Variants in NELL2 observed in about 807,000 individuals in gnomAD.
The protein encoded by NELL2 is protein kinase C-binding protein NELL2.
NELL2 carries 41 observed loss-of-function variants against 109.6 expected under a neutral mutation model. The observed-to-expected ratio is 0.37, with a 90% CI of 0.29 to 0.49. NELL2 has a LOEUF of 0.49. Ranked by LOEUF, NELL2 falls within the 20% of genes least tolerant of loss-of-function variation. The pLI is 0.98. For missense variants in NELL2, 900 were observed against 1,008.3 expected (o/e 0.89, Z 1.45); for synonymous variants, 355 against 344.7 (o/e 1.03, Z -0.33).
chr12:44,787,005 C>T (rs181977821), intron 3 of NELL2, among the ~76,000 whole-genome samples: 15 of 152,070 alleles, frequency 9.9e-5, no homozygotes, highest in African/African-American at 3.4e-4. Flanking sequence ...AACAAACCTG[C>T]ATGTTCTGCA....
At chr12:44,668,963 G>T (rs1214751274) in intron 12 of NELL2, among the ~76,000 whole-genome samples, 1 of 151,858 alleles carries the variant, frequency 6.6e-6, no homozygotes, top group African/African-American at 2.4e-5. Flanking sequence ...TGCCACTGCT[G>T]GTGCCCATGA....
At chr12:44,665,650 T>A in intron 12 of NELL2, 41 bp from the exon 13 acceptor site, 1 of 1,563,458 alleles carries the variant, frequency 6.4e-7, no homozygotes, top group Non-Finnish European at 8.7e-7. Context: ...CAGTGGGCAA[T>A]ATTCTGGAGC....
At chr12:44,653,824 C>G (rs557789299) in intron 13 of NELL2, among the ~76,000 whole-genome samples, 2 of 152,290 alleles carry the variant, frequency 1.3e-5, no homozygotes, top group South Asian at 4.1e-4. Context: ...AGTTGCACAT[C>G]TTAATTAGAA....
chr12:44,811,181 CA>C (rs1050319627), intron 3 of NELL2, among the ~76,000 whole-genome samples: 5 of 151,378 alleles, frequency 3.3e-5, no homozygotes, highest in East Asian at 2.0e-4. Flanking sequence ...CGCAAGGGGT[CA>C]GGGGGAAGGG....
At chr12:44,595,693 G>A (rs566108870) in intron 15 of NELL2, among the ~76,000 whole-genome samples, 9 of 150,452 alleles carry the variant, frequency 6.0e-5, no homozygotes, top group African/African-American at 2.2e-4. Context: ...TGCCCGCCTC[G>A]GCCTCCCAAA....
chr12:44,540,554 C>A (rs1478233354), intron 15 of NELL2, among the ~76,000 whole-genome samples: 2 of 152,054 alleles, frequency 1.3e-5, no homozygotes, highest in African/African-American at 4.8e-5. Flanking sequence ...TCAACCTACT[C>A]ATCTCCTCCC....
chr12:44,915,185 T>C (rs1945819806), upstream of NELL2, among the ~76,000 whole-genome samples: 1 of 152,144 alleles, frequency 6.6e-6, no homozygotes, highest in Admixed American at 6.6e-5. Context: ...ATTTTTAAAA[T>C]ATTCGTTGGA....
intron 9 of NELL2, among the ~76,000 whole-genome samples, chr12:44,727,930 T>C (rs991185121): frequency 6.6e-6 from 1 of 152,104 alleles, no homozygotes; most frequent in African/African-American, 2.4e-5. Flanking sequence ...TAATCCTTCA[T>C]GTCTTCAGTG....
chr12:44,596,542 A>G (rs7299685), intron 15 of NELL2, among the ~76,000 whole-genome samples: 128,451 of 152,200 alleles, frequency 0.84, 54,653 homozygotes, highest in East Asian at 1. Flanking sequence ...TTGGTTTACC[A>G]TATTAACTAA....
chr12:44,586,863 A>T (rs904507600), intron 15 of NELL2, among the ~76,000 whole-genome samples: 4 of 152,206 alleles, frequency 2.6e-5, no homozygotes, highest in African/African-American at 9.6e-5. Context: ...TGCCCTGCAC[A>T]AAGTCAGCAC....
intron 1 of NELL2, among the ~76,000 whole-genome samples, chr12:44,907,665 G>T (rs186910512): frequency 6.6e-6 from 1 of 152,138 alleles, no homozygotes; most frequent in African/African-American, 2.4e-5. Flanking sequence ...GAAGTACAAT[G>T]GTAGATTGAG....
chr12:44,582,554 G>A (rs1296299648), intron 15 of NELL2, among the ~76,000 whole-genome samples: 1 of 151,904 alleles, frequency 6.6e-6, no homozygotes, highest in Admixed American at 6.6e-5. Context: ...ATGAAGTGAA[G>A]ATACTATGGC....
At chr12:44,764,418 G>T (rs77888523) in intron 9 of NELL2, among the ~76,000 whole-genome samples, 12,646 of 152,136 alleles carry the variant, frequency 0.083, 627 homozygotes, top group Non-Finnish European at 0.097. Context: ...AATACTAGAA[G>T]ATTTACTTTT....
At chr12:44,765,305 A>G (rs1443526709) in intron 9 of NELL2, among the ~76,000 whole-genome samples, 7 of 152,176 alleles carry the variant, frequency 4.6e-5, no homozygotes, top group African/African-American at 9.7e-5. Flanking sequence ...TCTCTTTATA[A>G]TTTGCAATAA....
chr12:44,771,425 G>A lies in NELL2; in HGVS notation c.994+3322C>T, dbSNP rs573185865. Among the ~76,000 whole-genome samples, 5 of 152,084 alleles carry A rather than the reference G, an allele frequency of 3.3e-5. No homozygotes were observed. The East Asian group carries it at 9.7e-4, about 29-fold the overall frequency. On this transcript the variant is annotated intron_variant, in intron 9 of 19. Coordinates refer to ENST00000429094, the MANE Select transcript of NELL2 (RefSeq NM_001145108.2). ...CTCTGAGACCTCTAACTAACTGCAC[G>A]TTCCTGAATGACTTGGAATTCTCCT...
rs75766062 is a variant in NELL2 at position 44,897,431 on chromosome 12, T to C, written c.38+16368A>G. On this transcript the variant is annotated intron_variant, in intron 1 of 20. Coordinates refer to the NELL2 transcript ENST00000333837. ...CAACTGAGGTGCCCAATTCATCTCA[T>C]TGGGACTAGTTAGACAGTGAGTGCA... is the stretch of plus-strand genomic sequence containing the variant. Among the ~76,000 whole-genome samples, 1,025 of 151,900 alleles carry C rather than the reference T, an allele frequency of 6.7e-3. 3 individuals carry two copies. The highest frequency in any genetic ancestry group is 0.011 in the Non-Finnish European group (722 of 67,952).
intron 2 of NELL2, among the ~76,000 whole-genome samples, chr12:44,817,169 G>A (rs941458518): frequency 6.6e-6 from 1 of 152,158 alleles, no homozygotes; most frequent in African/African-American, 2.4e-5. Context: ...AAATGTCAGT[G>A]GCACCCAATG....
At chr12:44,820,630 A>G (rs886258548) in intron 2 of NELL2, among the ~76,000 whole-genome samples, 1 of 150,862 alleles carries the variant, frequency 6.6e-6, no homozygotes, top group Non-Finnish European at 1.5e-5. Context: ...AAAGAAAAAG[A>G]AAGTAGAACC....
chr12:44,735,086 C>T (rs1406026820), intron 9 of NELL2, among the ~76,000 whole-genome samples: 1 of 152,008 alleles, frequency 6.6e-6, no homozygotes, highest in Non-Finnish European at 1.5e-5. Flanking sequence ...TTTTTGTCTT[C>T]AATTTTTCTG....
Sources: gnomAD v4.1 joint callset for allele counts (sites outside exome capture counted in the v4.1 genomes callset) on GRCh38, gnomAD v4.1.1 for gene constraint, MANE v1.5 for transcripts, NCBI Gene and HGNC (gene_info 2026-07-23, HGNC 2026-07-21) for gene names.